The following ANKHD1 variants were observed in gnomAD, a reference collection of about 807,000 sequenced individuals.
ANKHD1 encodes ankyrin repeat and KH domain-containing protein 1.
Under a neutral mutation model 230.5 loss-of-function variants are expected in ANKHD1, and 31 were observed. The observed-to-expected ratio is 0.13, with a 90% confidence interval of 0.10 to 0.18. The LOEUF is 0.18. ANKHD1 is among the 10% of genes least tolerant of loss of function. ANKHD1 has a pLI of 1.00. For synonymous variants in ANKHD1, 1,074 were observed against 1,117.6 expected (o/e 0.96, Z 0.78); for missense variants, 2,256 against 3,071.3 (o/e 0.73, Z 6.27).
intron 1 of ANKHD1, among the ~76,000 whole-genome samples, chr5:140,422,149 T>C (rs144921698): frequency 1.1e-3 from 166 of 152,174 alleles, no homozygotes; most frequent in African/African-American, 3.0e-3. Flanking sequence ...TGAGACGGAG[T>C]TTCACTCTTG....
intron 2 of ANKHD1, among the ~76,000 whole-genome samples, chr5:140,436,945 T>A (rs1309039403): frequency 1.3e-5 from 2 of 152,218 alleles, no homozygotes; most frequent in African/African-American, 4.8e-5. Flanking sequence ...CTAATTTTTT[T>A]ATATGTAATG....
chr5:140,524,815 A>C (rs959384243), intron 25 of ANKHD1: 1 of 155,322 alleles, frequency 6.4e-6, no homozygotes, highest in Non-Finnish European at 1.4e-5. Context: ...GAATATTAAG[A>C]ATATTGGGCC....
intron 1 of ANKHD1, among the ~76,000 whole-genome samples, chr5:140,416,765 G>A (rs1303162376): frequency 6.6e-6 from 1 of 151,904 alleles, no homozygotes; most frequent in Admixed American, 6.6e-5. Context: ...GATTACAAGT[G>A]TGAGGCACCA....
chr5:140,538,071 AATT>A lies in ANKHD1; in HGVS notation c.7229-11_7229-9del, dbSNP rs1754158053. The stretch of plus-strand genomic sequence containing the variant: ...CAAATAAATTTAAAACTTTGTTTTC[AATT>A]ATTCTTTCCAGAAGGCTTATCAGGT... On this transcript the variant is annotated splice_polypyrimidine_tract_variant and intron_variant, in intron 31 of 33. Coordinates refer to ENST00000360839, the MANE Select transcript of ANKHD1 (RefSeq NM_017747.3). 6.3e-7 allele frequency: 1 copy of A among 1,591,502 alleles called. No individual in the cohort carries two copies. The highest frequency in any genetic ancestry group is 1.1e-5 in the South Asian group (1 of 87,376).
At chr5:140,472,215 G>C (rs1465729654) in intron 10 of ANKHD1, 1 of 1,607,368 alleles carries the variant, frequency 6.2e-7, no homozygotes, top group African/African-American at 1.3e-5. Context: ...TAAGATCCGT[G>C]AGTTCTTCTT....
At chr5:140,519,569 C>T (rs2127074564) in intron 24 of ANKHD1, among the ~76,000 whole-genome samples, 1 of 152,232 alleles carries the variant, frequency 6.6e-6, no homozygotes, top group Non-Finnish European at 1.5e-5. Context: ...GTTACTGGTA[C>T]CAAAACAGAG....
chr5:140,523,945 TTATAAATG>T (rs1753483799), intron 24 of ANKHD1, 113 bp from the exon 25 acceptor site: 1 of 1,279,274 alleles, frequency 7.8e-7, no homozygotes, highest in Non-Finnish European at 1.0e-6. Context: ...TTGTTGGCAT[TTATAAATG>T]TGTTTTGAGA....
Position 140,527,140 on chromosome 5 carries a change from C to T in ANKHD1, c.5087+66C>T, listed in dbSNP as rs986920677. The stretch of plus-strand genomic sequence containing the variant: ...TTCCCTTTCTCATGTGAGATGGCTA[C>T]CTAGTTAATTAATGAATAATTTGAA... On this transcript the variant is annotated intron_variant, in intron 27 of 33. Coordinates refer to ENST00000360839, the MANE Select transcript of ANKHD1 (RefSeq NM_017747.3). The surrounding 1 kb of genome is among the most constrained non-coding windows in gnomAD (Gnocchi z 4.5). 39 of 1,483,904 alleles carry T rather than the reference C, an allele frequency of 2.6e-5. No homozygotes were observed. Among genetic ancestry groups the T allele is most frequent in the Non-Finnish European group, 3.3e-5 (37 of 1,112,974 alleles). 91.9% of individuals were successfully genotyped at this position (1,483,904 alleles called of 1,614,324 possible). A position where few individuals can be genotyped will look rare whatever the true frequency, so the allele number is the denominator to read the frequency against.
chr5:140,524,306 C>T (rs1449418579), intron 25 of ANKHD1, 66 bp downstream of exon 25: 32 of 1,476,152 alleles, frequency 2.2e-5, no homozygotes, highest in African/African-American at 2.9e-5. Flanking sequence ...ATTTTGAGTG[C>T]TCTTTGCTCT....
intron 1 of ANKHD1, among the ~76,000 whole-genome samples, chr5:140,419,780 T>TTCTTTCTTTC (rs1163828206): frequency 2.0e-4 from 8 of 40,352 alleles, no homozygotes; most frequent in East Asian, 1.2e-3. Context: ...TTCTTTTTCT[T>TTCTTTCTTTC]TCTTTCTTTC....
intron 10 of ANKHD1, among the ~76,000 whole-genome samples, chr5:140,480,638 G>A (rs1751233846): frequency 6.6e-6 from 1 of 151,836 alleles, no homozygotes; most frequent in Admixed American, 6.6e-5. Flanking sequence ...CTTACTCTCG[G>A]GCTTAACTAC....
At chr5:140,518,474 A>C (rs888676654) in intron 24 of ANKHD1, among the ~76,000 whole-genome samples, 1 of 150,222 alleles carries the variant, frequency 6.7e-6, no homozygotes, top group Non-Finnish European at 1.5e-5. Context: ...AGCCGGGCAG[A>C]GACACAACCA....
chr5:140,402,627 A>AACAGAG (rs1448944618), intron 1 of ANKHD1, among the ~76,000 whole-genome samples: 3 of 152,092 alleles, frequency 2.0e-5, no homozygotes, highest in Non-Finnish European at 4.4e-5. Context: ...GAGAGAGACA[A>AACAGAG]ACAGAGACAG....
intron 1 of ANKHD1, among the ~76,000 whole-genome samples, chr5:140,432,398 A>T (rs769939381): frequency 1.3e-5 from 2 of 152,152 alleles, no homozygotes; most frequent in Non-Finnish European, 2.9e-5. Context: ...CATCTATATC[A>T]TGTATTTCTT....
At chr5:140,426,117 A>C (rs1772385424) in intron 1 of ANKHD1, among the ~76,000 whole-genome samples, 1 of 152,160 alleles carries the variant, frequency 6.6e-6, no homozygotes, top group Admixed American at 6.5e-5. Context: ...AAATGATCAA[A>C]TCTGAATTTC....
intron 9 of ANKHD1, among the ~76,000 whole-genome samples, chr5:140,462,484 G>T (rs1038185316): frequency 6.6e-6 from 1 of 151,546 alleles, no homozygotes; most frequent in African/African-American, 2.4e-5. Context: ...CAGCACTTTG[G>T]GATGCCGAGG....
intron 15 of ANKHD1, among the ~76,000 whole-genome samples, chr5:140,502,326 T>C (rs572937035): frequency 6.6e-6 from 1 of 152,302 alleles, no homozygotes; most frequent in South Asian, 2.1e-4. Context: ...CATTATTACA[T>C]GGAGTGAAAA....
chr5:140,483,513 A>C (rs1428230622), intron 11 of ANKHD1, among the ~76,000 whole-genome samples: 1 of 140,182 alleles, frequency 7.1e-6, no homozygotes, highest in Non-Finnish European at 1.5e-5. Flanking sequence ...GCTGGAGTGC[A>C]ATGGCGCCAA....
chr5:140,479,436 A>G (rs1751145690), intron 10 of ANKHD1, among the ~76,000 whole-genome samples: 1 of 152,194 alleles, frequency 6.6e-6, no homozygotes, highest in African/African-American at 2.4e-5. Context: ...AACAATTTGT[A>G]TCCTAAAATT....
Sources: gnomAD v4.1 joint callset for allele counts (sites outside exome capture counted in the v4.1 genomes callset) on GRCh38, gnomAD v4.1.1 for gene constraint, Gnocchi (gnomAD v3.1) non-coding constraint, MANE v1.5 for transcripts, NCBI Gene and HGNC (gene_info 2026-07-23, HGNC 2026-07-21) for gene names.